Variants in SLC6A12 observed in about 807,000 individuals in gnomAD.
SLC6A12 encodes sodium- and chloride-dependent betaine transporter.
A neutral mutation model predicts 73.3 loss-of-function variants in SLC6A12; 50 were observed. The observed-to-expected ratio is 0.68, with a 90% CI of 0.54 to 0.86. The LOEUF is 0.86. Among genes scored for constraint, SLC6A12 ranks in the 40% least tolerant of loss-of-function variants. The pLI, the probability that SLC6A12 is intolerant of heterozygous loss-of-function variation, is 0.00. For missense variants in SLC6A12, 648 were observed against 772.8 expected (o/e 0.84, Z 1.92); for synonymous variants, 304 against 309.2 (o/e 0.98, Z 0.18).
downstream of SLC6A12, among the ~76,000 whole-genome samples, chr12:187,668 A>T (rs1169672114): frequency 1.7e-4 from 24 of 139,926 alleles, no homozygotes; most frequent in African/African-American, 6.5e-4. Context: ...ACACAACGCG[A>T]CCCCAGCGGG....
At chr12:209,716 C>T in intron 3 of SLC6A12, 57 bp downstream of exon 3, 2 of 1,595,736 alleles carry the variant, frequency 1.3e-6, no homozygotes, top group East Asian at 2.2e-5. Flanking sequence ...CAGGTAGGCA[C>T]TGCCCAGCTG....
Position 201,793 on chromosome 12 carries a change from T to G in SLC6A12, c.547A>C (p.Asn183His). The G allele has an allele frequency of 6.2e-7, 1 of 1,614,016 alleles. No individual in the cohort carries two copies. The highest frequency in any genetic ancestry group is 8.5e-7 in the Non-Finnish European group (1 of 1,179,956). Reference protein sequence around the residue: ...SGAGTVTPFENFTSPVMEFWE... With the variant: ...SGAGTVTPFEHFTSPVMEFWE... ...AATTCCATGACAGGTGAGGTAAAAT[T>G]CTCAAATGGGGTCACTGTGCCGGCT... The change falls in exon 6 of 16, where the codon AAT (asparagine) becomes CAT (histidine). Residue 183 changes from asparagine (N) to histidine (H), a missense_variant. Coordinates refer to ENST00000684302, the MANE Select transcript of SLC6A12 (RefSeq NM_001122848.3).
At chr12:206,255 C>G (rs1198979400) in intron 3 of SLC6A12, among the ~76,000 whole-genome samples, 1 of 152,198 alleles carries the variant, frequency 6.6e-6, no homozygotes, top group Non-Finnish European at 1.5e-5. Context: ...TCTCCCCAGC[C>G]CCTGGTAGGT....
chr12:201,905 C>T (rs1160019482), intron 5 of SLC6A12, 56 bp from the exon 6 acceptor site: 1 of 1,489,676 alleles, frequency 6.7e-7, no homozygotes, highest in Non-Finnish European at 9.4e-7. Flanking sequence ...TACCCTAGTC[C>T]CCCTGGCCCT....
At chr12:207,471 T>TTCATAACCAA (rs1940706906) in intron 3 of SLC6A12, among the ~76,000 whole-genome samples, 1 of 152,250 alleles carries the variant, frequency 6.6e-6, no homozygotes, top group African/African-American at 2.4e-5. Context: ...AAGCCCTCAT[T>TTCATAACCAA]AGACCAATAG....
intron 15 of SLC6A12, 119 bp downstream of exon 15, chr12:192,359 A>G: frequency 1.2e-6 from 1 of 830,218 alleles, no homozygotes; most frequent in Non-Finnish European, 1.9e-6. Flanking sequence ...GTGAGACTGA[A>G]GGGCTGCCCC....
chr12:200,148 G>C (rs770090752), intron 7 of SLC6A12, among the ~76,000 whole-genome samples: 6 of 127,990 alleles, frequency 4.7e-5, no homozygotes, highest in South Asian at 2.5e-4. Context: ...TCTGGCTGTC[G>C]CCCAGGCTGG....
chr12:187,682 C>T (rs75414408), downstream of SLC6A12, among the ~76,000 whole-genome samples: 1 of 146,474 alleles, frequency 6.8e-6, no homozygotes, highest in African/African-American at 2.5e-5. Flanking sequence ...CAGCGGGTTA[C>T]CACTAGGGCC....
At chr12:195,800 C>G (rs1036836373) in intron 12 of SLC6A12, among the ~76,000 whole-genome samples, 1 of 152,192 alleles carries the variant, frequency 6.6e-6, no homozygotes, top group Non-Finnish European at 1.5e-5. Flanking sequence ...AGTGAAGTCA[C>G]AGGAGACCGA....
rs764142946 is a variant in SLC6A12, at chr12:201,817, C to T, written c.523G>A (p.Ala175Thr). ...HCTDFLNHSGAGTVTPFENFT... is the reference protein window; with the variant it reads ...HCTDFLNHSGTGTVTPFENFT... ...TTCTCAAATGGGGTCACTGTGCCGG[C>T]TCCTGAGTGGTTCAGAAAGTCCGTG... is the stretch of plus-strand genomic sequence containing the variant. The change falls in exon 6 of 16, where the codon GCC becomes ACC. Residue 175 changes from alanine to threonine, a missense_variant. Ala to Thr is a moderately conservative substitution (Grantham distance 58). Transcript: ENST00000684302. 6.2e-7 allele frequency: 1 copy of T among 1,614,014 alleles called. No individual in the cohort carries two copies. Among genetic ancestry groups the T allele is most frequent in the South Asian group, 1.1e-5 (1 of 91,092 alleles).
chr12:186,162 GA>G (rs1939425337), downstream of SLC6A12, among the ~76,000 whole-genome samples: 2 of 152,102 alleles, frequency 1.3e-5, no homozygotes. Context: ...GGACGCCTCT[GA>G]AGAGGGGCCA....
intron 7 of SLC6A12, among the ~76,000 whole-genome samples, chr12:199,972 G>GAC (rs890946181): frequency 1.3e-5 from 2 of 152,098 alleles, no homozygotes; most frequent in Non-Finnish European, 2.9e-5. Flanking sequence ...AATGGATACA[G>GAC]ACACACACAC....
Position 197,948 on chromosome 12 carries a change from C to G in SLC6A12, c.902G>C (p.Cys301Ser). ...GTTGTAGCTGCCCAGGGCTGTCAGGCACCCCTGGCAGATGGCAAAGGAGAA... is the reference window on the plus strand; with the variant it reads ...GTTGTAGCTGCCCAGGGCTGTCAGGGACCCCTGGCAGATGGCAAAGGAGAA... Reference protein sequence around the residue: ...IFFSFAICQGCLTALGSYNKY... With the variant: ...IFFSFAICQGSLTALGSYNKY... The change falls in exon 9 of 16, where the codon TGC (cysteine) becomes TCC (serine). Residue 301 changes from cysteine (C) to serine (S), a missense_variant. Transcript: ENST00000684302. The G allele has an allele frequency of 6.2e-7, 1 of 1,613,236 alleles. No individual in the cohort carries two copies. Among genetic ancestry groups the G allele is most frequent in the Non-Finnish European group, 8.5e-7 (1 of 1,179,876 alleles).
downstream of SLC6A12, among the ~76,000 whole-genome samples, chr12:187,619 AAAAAAAAAAAAAC>A (rs1565461355): frequency 7.3e-4 from 28 of 38,518 alleles, no homozygotes; most frequent in Admixed American, 2.6e-3. Context: ...AAAAAAAAAA[AAAAAAAAAAAAAC>A]AAACCACACA....
At chr12:197,351 G>T in intron 10 of SLC6A12, 26 bp downstream of exon 10, 2 of 1,605,600 alleles carry the variant, frequency 1.2e-6, no homozygotes, top group Non-Finnish European at 1.7e-6. Context: ...TTCCCCTCAG[G>T]CCCCAGACAG....
Position 201,860 on chromosome 12 carries a change from C to G in SLC6A12, c.491-11G>C. ...AGTCCGTGCAATGCTCTGTTGGGGA[C>G]AAGGTTAGGGACAAGATGGAGAGAG... On this transcript the variant is annotated splice_polypyrimidine_tract_variant and intron_variant, in intron 5 of 15. Transcript: ENST00000684302. The G allele has an allele frequency of 6.2e-7, 1 of 1,611,812 alleles. No homozygotes were observed. The highest frequency in any genetic ancestry group is 8.5e-7 in the Non-Finnish European group (1 of 1,177,966).
downstream of SLC6A12, among the ~76,000 whole-genome samples, chr12:185,860 A>C (rs1397632729): frequency 6.6e-6 from 1 of 152,130 alleles, no homozygotes; most frequent in East Asian, 1.9e-4. Context: ...ATCTCACCCC[A>C]TCCTGTCTGG....
In SLC6A12 at chr12:196,265, T is replaced by C; in HGVS notation, c.1189-4A>G. The C allele has an allele frequency of 6.2e-7, 1 of 1,607,768 alleles. No homozygotes were observed. Among genetic ancestry groups the C allele is most frequent in the South Asian group, 1.1e-5 (1 of 89,128 alleles). ...CCAGGCACTCCACACAGACAAACTGTGGGCCAGGAGGGGAACTGGATGAGA... is the reference window on the plus strand; with the variant it reads ...CCAGGCACTCCACACAGACAAACTGCGGGCCAGGAGGGGAACTGGATGAGA... On this transcript the variant is annotated splice_polypyrimidine_tract_variant and splice_region_variant and intron_variant, in intron 11 of 15. Coordinates refer to ENST00000684302, the MANE Select transcript of SLC6A12 (RefSeq NM_001122848.3).
intron 3 of SLC6A12, 197 bp from the exon 4 acceptor site, chr12:204,895 T>A (rs2137184784): frequency 3.4e-6 from 2 of 591,064 alleles, no homozygotes; most frequent in South Asian, 4.2e-5. Flanking sequence ...TGTTCTGATC[T>A]GAACCCTACA....
Sources: allele counts gnomAD v4.1 joint callset (sites outside exome capture counted in the v4.1 genomes callset), GRCh38; gene constraint gnomAD v4.1.1; transcripts MANE v1.5; gene names NCBI Gene and HGNC (gene_info 2026-07-23, HGNC 2026-07-21).